The following ZNF799 variants were observed in gnomAD, a reference collection of about 807,000 sequenced individuals.
The protein encoded by ZNF799 is zinc finger protein 14.
Under a neutral mutation model 41.0 loss-of-function variants are expected in ZNF799, and 28 were observed. The ratio of observed to expected loss-of-function variants is 0.68; its 90% CI spans 0.51 to 0.94. The LOEUF is 0.94. Ranked by LOEUF, ZNF799 falls within the 40% of genes least tolerant of loss-of-function variation. The probability of loss-of-function intolerance (pLI) is 0.00; values close to 1 mark genes in which losing one functional copy is unlikely to be tolerated. For missense variants in ZNF799, 716 were observed against 764.3 expected (o/e 0.94, Z 0.74); for synonymous variants, 213 against 252.9 (o/e 0.84, Z 1.50).
upstream of ZNF799, chr19:12,401,313 G>T: frequency 8.2e-7 from 1 of 1,224,732 alleles, no homozygotes; most frequent in Non-Finnish European, 1.1e-6. Context: ...TGGATACGGC[G>T]TCAGGTGCCG....
the ZNF799 span, among the ~76,000 whole-genome samples, chr19:12,409,266 GC>G: frequency 1.6e-4 from 24 of 152,190 alleles, no homozygotes; most frequent in African/African-American, 5.8e-4. Flanking sequence ...ATCTAATACC[GC>G]CACTGGTTTG....
At chr19:12,412,072 G>A in the ZNF799 span, among the ~76,000 whole-genome samples, 1 of 152,058 alleles carries the variant, frequency 6.6e-6, no homozygotes, top group African/African-American at 2.4e-5. Context: ...TGTCCCTATG[G>A]GACAGCTAAA....
At chr19:12,411,448 G>T in the ZNF799 span, among the ~76,000 whole-genome samples, 1 of 152,086 alleles carries the variant, frequency 6.6e-6, no homozygotes, top group Non-Finnish European at 1.5e-5. Context: ...CGATATAAAT[G>T]GGAGACACTT....
At chr19:12,410,023 C>G in the ZNF799 span, among the ~76,000 whole-genome samples, 20 of 152,058 alleles carry the variant, frequency 1.3e-4, no homozygotes, top group African/African-American at 4.8e-4. Context: ...TGGTGCACAC[C>G]TGTAGTCCTA....
chr19:12,402,880 C>T (rs3961708), upstream of ZNF799, among the ~76,000 whole-genome samples: 73,568 of 139,428 alleles, frequency 0.53, 16,624 homozygotes, highest in Non-Finnish European at 0.61. Flanking sequence ...ATCAGTGACA[C>T]TGGCCTATAG....
chr19:12,392,477 A>G, intron 3 of ZNF799, 126 bp downstream of exon 3: 1 of 958,130 alleles, frequency 1.0e-6, no homozygotes, highest in East Asian at 2.6e-5. Context: ...TATATTTTGG[A>G]GAAAATTTTC....
chr19:12,398,734 T>C (rs1568504436), intron 1 of ZNF799, among the ~76,000 whole-genome samples: 1 of 152,160 alleles, frequency 6.6e-6, no homozygotes, highest in East Asian at 1.9e-4. Flanking sequence ...TTTAATTCAA[T>C]GTACCTACTA....
At chr19:12,394,935 G>T in intron 1 of ZNF799, 5 of 946,192 alleles carry the variant, frequency 5.3e-6, no homozygotes, top group Non-Finnish European at 6.3e-6. Flanking sequence ...ATGAAAACTG[G>T]TAGAAAAGTC....
chr19:12,404,976 T>C (rs547691473), upstream of ZNF799, among the ~76,000 whole-genome samples: 26 of 152,254 alleles, frequency 1.7e-4, 1 homozygote, highest in East Asian at 4.6e-3. Context: ...ACCATTAATC[T>C]GGTGGGCACA....
upstream of ZNF799, among the ~76,000 whole-genome samples, chr19:12,403,516 GTTGT>G (rs1387238669): frequency 6.7e-6 from 1 of 149,398 alleles, no homozygotes; most frequent in Admixed American, 6.6e-5. Flanking sequence ...GCATTCTTAG[GTTGT>G]TTATTTGAAG....
intron 1 of ZNF799, among the ~76,000 whole-genome samples, chr19:12,399,393 A>G (rs1348087721): frequency 1.3e-5 from 2 of 152,106 alleles, no homozygotes; most frequent in African/African-American, 2.4e-5. Context: ...TTTCCTATGG[A>G]ATATGACCAT....
the ZNF799 span, among the ~76,000 whole-genome samples, chr19:12,407,374 G>T: frequency 1.1e-4 from 16 of 151,468 alleles, no homozygotes; most frequent in Non-Finnish European, 1.9e-4. Context: ...AAGACAGGAG[G>T]TTAACTTCAG....
rs762994120 is a variant in ZNF799 at position 12,391,701 on chromosome 19, C to T, written c.697G>A (p.Ala233Thr). Residue 233 changes from alanine (A) to threonine (T), a missense_variant, in exon 4 of 4, where the codon GCC becomes ACC. This residue lies in a region of ZNF799 where 698 missense variants were observed against 713.6 expected (regional missense o/e 0.98). Transcript: ENST00000430385. ...KPYECKQCSK[A>T]FSFYSSYLRH... ...AGATAGGAACTGTAAAAAGAAAAGGCTTTAGAACACTGCTTACATTCATAT... is the reference window on the plus strand; with the variant it reads ...AGATAGGAACTGTAAAAAGAAAAGGTTTTAGAACACTGCTTACATTCATAT... 4 of 1,614,046 alleles carry T rather than the reference C, an allele frequency of 2.5e-6. No individual in the cohort carries two copies. Among genetic ancestry groups the T allele is most frequent in the South Asian group, 1.1e-5 (1 of 91,082 alleles).
intron 1 of ZNF799, among the ~76,000 whole-genome samples, chr19:12,400,048 G>C (rs1463926354): frequency 6.6e-6 from 1 of 152,160 alleles, no homozygotes; most frequent in African/African-American, 2.4e-5. Context: ...AGTTCATACC[G>C]TTGCTGTGAA....
chr19:12,403,936 T>C (rs1220551937), upstream of ZNF799, among the ~76,000 whole-genome samples: 1 of 152,220 alleles, frequency 6.6e-6, no homozygotes, highest in Non-Finnish European at 1.5e-5. Context: ...CCATAGGTTT[T>C]GGTATGTTGC....
At chr19:12,405,355 A>G (rs1012878970), upstream of ZNF799, among the ~76,000 whole-genome samples, 2 of 152,226 alleles carry the variant, frequency 1.3e-5, no homozygotes, top group Non-Finnish European at 2.9e-5. Context: ...ACTCAGGTAT[A>G]CTGGGGAATT....
At chr19:12,408,170 CAAAAGAAAAG>C in the ZNF799 span, among the ~76,000 whole-genome samples, 8 of 151,296 alleles carry the variant, frequency 5.3e-5, no homozygotes, top group South Asian at 2.1e-4. Context: ...GATTCTGTCT[CAAAAGAAAAG>C]AAAAGAAAAG....
rs1969825916 is a variant in ZNF799 at position 12,391,847 on chromosome 19, A to T, written c.551T>A (p.Leu184His). The T allele has an allele frequency of 1.2e-6, 2 of 1,614,098 alleles. No homozygotes were observed. Among genetic ancestry groups the T allele is most frequent in the Non-Finnish European group, 1.7e-6 (2 of 1,180,026 alleles). Residue 184 changes from leucine to histidine, a missense_variant, in exon 4 of 4, where the codon CTT (leucine) becomes CAT (histidine). Transcript: ENST00000430385. ...CGKSFSSLGN[L>H]QRHMAVQRGD... ...ACGCTGCACTGCCATGTGTCTTTGA[A>T]GGTTTCCCAAAGAACTGAAGGACTT...
At chr19:12,410,531 C>G in the ZNF799 span, among the ~76,000 whole-genome samples, 2 of 151,770 alleles carry the variant, frequency 1.3e-5, no homozygotes, top group Non-Finnish European at 2.9e-5. Flanking sequence ...AATCAATGCT[C>G]CATTTTGAGA....
Sources: allele counts gnomAD v4.1 joint callset (sites outside exome capture counted in the v4.1 genomes callset), GRCh38; gene constraint gnomAD v4.1.1; regional missense constraint gnomAD v4.1.1; transcripts MANE v1.5; gene names NCBI Gene and HGNC (gene_info 2026-07-23, HGNC 2026-07-21).